SCFD2: variants seen among roughly 807,000 people sequenced by gnomAD.
The protein encoded by SCFD2 is sec1 family domain-containing protein 2.
A neutral mutation model predicts 58.9 loss-of-function variants in SCFD2; 54 were observed. The ratio of observed to expected loss-of-function variants is 0.92; its 90% CI spans 0.74 to 1.15. SCFD2 has a LOEUF of 1.15. Among genes scored for constraint, SCFD2 ranks in the 50% most tolerant of loss-of-function variants. The probability of loss-of-function intolerance (pLI) is 0.00; values close to 1 mark genes in which losing one functional copy is unlikely to be tolerated. For synonymous variants in SCFD2, 321 were observed against 335.9 expected (o/e 0.96, Z 0.49); for missense variants, 805 against 836.6 (o/e 0.96, Z 0.47).
chr4:53,105,055 G>A (rs562037878), intron 5 of SCFD2, among the ~76,000 whole-genome samples: 4 of 152,170 alleles, frequency 2.6e-5, no homozygotes, highest in Admixed American at 6.5e-5. Flanking sequence ...AGTGGGGTGG[G>A]GCATTGCCTT....
chr4:52,877,867 C>T (rs1477505747), intron 8 of SCFD2, among the ~76,000 whole-genome samples: 8 of 152,220 alleles, frequency 5.3e-5, no homozygotes, highest in Non-Finnish European at 1.2e-4. Context: ...GAGAGCATCA[C>T]AGGACTTCAG....
At chr4:53,352,400 T>C (rs1734248213) in intron 2 of SCFD2, among the ~76,000 whole-genome samples, 198 bp downstream of exon 2, 1 of 152,260 alleles carries the variant, frequency 6.6e-6, no homozygotes, top group African/African-American at 2.4e-5. Context: ...TAAAATTCCA[T>C]ACTTTCTGGA....
At chr4:53,278,853 T>G (rs1025716018) in intron 3 of SCFD2, among the ~76,000 whole-genome samples, 1 of 151,238 alleles carries the variant, frequency 6.6e-6, no homozygotes. Flanking sequence ...TAACTGGAAT[T>G]TAAGTTAAAA....
intron 3 of SCFD2, among the ~76,000 whole-genome samples, chr4:53,280,753 G>A (rs1731483547): frequency 1.3e-5 from 2 of 151,966 alleles, no homozygotes; most frequent in South Asian, 4.1e-4. Context: ...CCTTTTCAAT[G>A]ATTTTCTAAT....
chr4:52,905,683 C>G (rs1053801675), intron 7 of SCFD2, among the ~76,000 whole-genome samples: 9 of 152,202 alleles, frequency 5.9e-5, no homozygotes, highest in African/African-American at 2.2e-4. Flanking sequence ...AACACAACAG[C>G]CCAGTGCTGC....
At chr4:53,252,751 A>G (rs1371271015) in intron 4 of SCFD2, among the ~76,000 whole-genome samples, 4 of 152,226 alleles carry the variant, frequency 2.6e-5, no homozygotes, top group Non-Finnish European at 5.9e-5. Context: ...GGATTATTAA[A>G]GACTTAAACA....
At chr4:53,349,055 T>C (rs1410650349) in intron 2 of SCFD2, among the ~76,000 whole-genome samples, 8 of 152,112 alleles carry the variant, frequency 5.3e-5, no homozygotes, top group Admixed American at 4.6e-4. Context: ...TCACTCATAG[T>C]CTAATGAGAA....
At chr4:53,075,066 A>C (rs1377057454) in intron 5 of SCFD2, among the ~76,000 whole-genome samples, 1 of 152,238 alleles carries the variant, frequency 6.6e-6, no homozygotes, top group Non-Finnish European at 1.5e-5. Context: ...TGTTTAATGT[A>C]GCCACCTTCA....
chr4:53,321,508 A>G (rs1374639361), intron 2 of SCFD2, among the ~76,000 whole-genome samples: 1 of 152,114 alleles, frequency 6.6e-6, no homozygotes, highest in African/African-American at 2.4e-5. Context: ...CAGGAAGTTA[A>G]GCTTAATCAC....
chr4:52,963,350 C>T (rs1413389626), intron 5 of SCFD2, among the ~76,000 whole-genome samples: 5 of 152,198 alleles, frequency 3.3e-5, no homozygotes, highest in African/African-American at 1.2e-4. Flanking sequence ...TGGGGTCACT[C>T]ACCCTACTGC....
At chr4:53,263,246 T>C (rs1404760229) in intron 4 of SCFD2, among the ~76,000 whole-genome samples, 1 of 152,198 alleles carries the variant, frequency 6.6e-6, no homozygotes, top group Non-Finnish European at 1.5e-5. Context: ...CGAATTCTTT[T>C]TCTGGAAATT....
intron 4 of SCFD2, among the ~76,000 whole-genome samples, chr4:53,161,997 C>T (rs1435252536): frequency 6.6e-6 from 1 of 152,126 alleles, no homozygotes; most frequent in East Asian, 1.9e-4. Flanking sequence ...CTGGGCTTTC[C>T]AAAGGCTTTA....
chr4:53,166,703 A>G (rs1041594131), intron 4 of SCFD2, among the ~76,000 whole-genome samples: 2 of 152,148 alleles, frequency 1.3e-5, no homozygotes, highest in African/African-American at 4.8e-5. Flanking sequence ...CAAACACAGA[A>G]AGCAAAATGG....
intron 4 of SCFD2, among the ~76,000 whole-genome samples, chr4:53,167,933 G>C (rs577904722): frequency 4.3e-4 from 65 of 152,310 alleles, no homozygotes; most frequent in South Asian, 2.7e-3. Context: ...AGACTTCAGT[G>C]TCTTGGAGTA....
intron 4 of SCFD2, among the ~76,000 whole-genome samples, chr4:53,207,405 T>C (rs1354139980): frequency 7.0e-6 from 1 of 142,048 alleles, no homozygotes; most frequent in Non-Finnish European, 1.5e-5. Flanking sequence ...AAACCAACAA[T>C]CCTTAGTGTC....
At position 52,965,135 on chromosome 4, in the gene SCFD2, G is replaced by A. The variant is rs532968665; in HGVS notation, c.1562-44265C>T. On this transcript the variant is annotated intron_variant, in intron 5 of 8. Transcript: ENST00000401642. ...CATCATGATAGGTGGAGGCCAGGCT[G>A]GAAAATGTCAGATTTCGTGTTATTT... is the stretch of plus-strand genomic sequence containing the variant. Among the ~76,000 whole-genome samples, 4 of 152,222 alleles carry A rather than the reference G, an allele frequency of 2.6e-5. No individual in the cohort carries two copies. The East Asian group carries it at 7.7e-4, about 29-fold the overall frequency.
chr4:53,063,039 G>A (rs1325384800), intron 5 of SCFD2, among the ~76,000 whole-genome samples: 5 of 151,990 alleles, frequency 3.3e-5, no homozygotes, highest in Admixed American at 3.3e-4. Context: ...ACATTCAGAT[G>A]ACAAAATAGA....
intron 4 of SCFD2, among the ~76,000 whole-genome samples, chr4:53,260,443 G>T (rs73147396): frequency 0.12 from 18,513 of 152,110 alleles, 1,290 homozygotes; most frequent in East Asian, 0.21. Context: ...ACTAAGGGAT[G>T]CTGGATTTTG....
At chr4:53,205,104 G>A (rs1577838368) in intron 4 of SCFD2, among the ~76,000 whole-genome samples, 1 of 152,048 alleles carries the variant, frequency 6.6e-6, no homozygotes, top group African/African-American at 2.4e-5. Flanking sequence ...GGAAGATATG[G>A]CATGAAGAAA....
Sources: allele counts gnomAD v4.1 joint callset (sites outside exome capture counted in the v4.1 genomes callset), GRCh38; gene constraint gnomAD v4.1.1; transcripts MANE v1.5; gene names NCBI Gene and HGNC (gene_info 2026-07-23, HGNC 2026-07-21).